Variants in PROM1 observed in about 807,000 individuals in gnomAD.
PROM1 encodes the protein prominin 1, also known as prominin-1.
Under a neutral mutation model 116.9 loss-of-function variants are expected in PROM1, and 105 were observed. The observed-to-expected ratio is 0.90, with a 90% CI of 0.77 to 1.06. The LOEUF is 1.06. PROM1 is among the 50% of genes least tolerant of loss of function. PROM1 has a pLI of 0.00. For synonymous variants in PROM1, 393 were observed against 387.0 expected, an observed-to-expected ratio of 1.02 and a Z score of -0.18; for missense variants, 1,122 against 1,045.2, an observed-to-expected ratio of 1.07 and a Z score of -1.01.
chr4:16,050,265 A>T (rs1457463852), intron 2 of PROM1, among the ~76,000 whole-genome samples: 1 of 151,840 alleles, frequency 6.6e-6, no homozygotes, highest in Admixed American at 6.6e-5. Context: ...TCTCAAAAAA[A>T]AAAAAACCAC....
In PROM1 at chr4:15,985,662, A is replaced by G. The variant is rs887229406; in HGVS notation, c.2280+98T>C. 1.3e-5 allele frequency: 12 copies of G among 945,868 alleles called. No individual in the cohort carries two copies. In the Admixed American group the frequency reaches 1.8e-4, roughly 14 times the overall value. The allele number at this position is 945,868 out of a possible 1,614,324, so 58.6% of individuals were successfully genotyped here. Reference sequence around the variant, plus strand: ...CCTTTCACTTACTTCCTACCAAATTATGGGAAATTTAATTTTATTTCTTCC... The same window carrying G: ...CCTTTCACTTACTTCCTACCAAATTGTGGGAAATTTAATTTTATTTCTTCC... On this transcript the variant is annotated intron_variant, in intron 22 of 27. Transcript: ENST00000447510.
chr4:16,083,846 G>C (rs1578368242), intron 1 of PROM1, 132 bp downstream of exon 1: 1 of 152,220 alleles, frequency 6.6e-6, no homozygotes, highest in Admixed American at 6.5e-5. Context: ...GCTGCGGCCG[G>C]ACCCTCGGAC....
At chr4:15,985,207 T>C (rs1210422751) in intron 22 of PROM1, among the ~76,000 whole-genome samples, 1 of 152,194 alleles carries the variant, frequency 6.6e-6, no homozygotes, top group Non-Finnish European at 1.5e-5. Flanking sequence ...TCTAGAGAGA[T>C]TTAAAGCACA....
chr4:16,000,545 T>C lies in PROM1; in HGVS notation c.1529A>G (p.Asn510Ser), dbSNP rs1287475358. 6.3e-7 allele frequency: 1 copy of C among 1,594,702 alleles called. No homozygotes were observed. The highest frequency in any genetic ancestry group is 1.3e-5 in the African/African-American group (1 of 74,580). The change falls in exon 14 of 28, where the codon AAT (asparagine) becomes AGT (serine). Residue 510 changes from asparagine (N) to serine (S), a missense_variant. Coordinates refer to ENST00000447510, the MANE Select transcript of PROM1 (RefSeq NM_006017.3). ...IVVLTFVFGANVEKLICEPYT... is the reference protein window; with the variant it reads ...IVVLTFVFGASVEKLICEPYT... ...AGGTTCACAGATCAGTTTTTCCACA[T>C]TTGCACCAAAGACAAAGGTAAGAAC...
At chr4:16,010,172 G>A (rs1320387123) in intron 11 of PROM1, among the ~76,000 whole-genome samples, 2 of 152,138 alleles carry the variant, frequency 1.3e-5, no homozygotes, top group African/African-American at 4.8e-5. Flanking sequence ...TCTCAGACAG[G>A]AGTTAAGTTC....
chr4:15,985,892 A>AAC, intron 21 of PROM1, 64 bp from the exon 22 acceptor site: 1 of 134,756 alleles, frequency 7.4e-6, no homozygotes, highest in Non-Finnish European at 1.2e-5. Context: ...AACATTATAA[A>AAC]TATTTAATCT....
chr4:16,003,554 C>T (rs917612666), intron 13 of PROM1, among the ~76,000 whole-genome samples: 1 of 152,180 alleles, frequency 6.6e-6, no homozygotes, highest in Non-Finnish European at 1.5e-5. Flanking sequence ...CTTCAAATCA[C>T]GAGATGCTTG....
intron 27 of PROM1, among the ~76,000 whole-genome samples, chr4:15,969,845 G>A (rs1255239890): frequency 6.6e-6 from 1 of 152,086 alleles, no homozygotes. Flanking sequence ...CCAAAGTGCT[G>A]GGATTACAGG....
chr4:16,008,318 C>T (rs1437137359), intron 12 of PROM1, among the ~76,000 whole-genome samples: 1 of 152,180 alleles, frequency 6.6e-6, no homozygotes, highest in African/African-American at 2.4e-5. Flanking sequence ...ATGTCCACCA[C>T]CCTCACCCCG....
chr4:15,997,190 T>G (rs1044129572), intron 15 of PROM1, among the ~76,000 whole-genome samples: 5 of 149,440 alleles, frequency 3.3e-5, no homozygotes, highest in African/African-American at 1.2e-4. Context: ...CACTACACAG[T>G]GAGCTAAAAG....
In PROM1 at chr4:15,986,001, C is replaced by G. The variant is rs755083222; in HGVS notation, c.2167G>C (p.Ala723Pro). Reference protein sequence around the residue: ...VTRILASLDFAQNFITNNTSS... With the variant: ...VTRILASLDFPQNFITNNTSS... ...GTATTGTTTGTGATGAAGTTCTGAG[C>G]AAAATCCAGAGAAGCTAGAATCCTA... The change falls in exon 21 of 28, where the codon GCT (alanine) becomes CCT (proline). Residue 723 changes from alanine to proline, a missense_variant. Ala to Pro is a conservative substitution (Grantham distance 27). Coordinates refer to ENST00000447510, the MANE Select transcript of PROM1 (RefSeq NM_006017.3). 1 of 1,583,944 alleles carries G rather than the reference C, an allele frequency of 6.3e-7. No individual in the cohort carries two copies. The highest frequency in any genetic ancestry group is 2.3e-5 in the East Asian group (1 of 44,264).
rs1169673117 is a variant in PROM1, at chr4:16,023,351, A to G, written c.759T>C (p.Leu253=). ...CTGTTGCCATGGACTTAATCTCATC[A>G]AGAACAGGGATGATGTTGGGTCTCA... The part of the protein sequence containing the change: ...DRLRPNIIPV[L]DEIKSMATAI... The change falls in exon 8 of 28, where the codon CTT becomes CTC. Residue 253 remains leucine (L), a synonymous_variant. Transcript: ENST00000447510. 6.2e-7 allele frequency: 1 copy of G among 1,606,718 alleles called. No homozygotes were observed. Among genetic ancestry groups the G allele is most frequent in the South Asian group, 1.1e-5 (1 of 89,418 alleles).
At chr4:16,027,615 A>G (rs1286714395) in intron 5 of PROM1, among the ~76,000 whole-genome samples, 1 of 152,204 alleles carries the variant, frequency 6.6e-6, no homozygotes, top group Non-Finnish European at 1.5e-5. Flanking sequence ...TTGAACTCCC[A>G]GAGGCTCCCT....
chr4:16,068,178 G>T (rs1391726001), intron 2 of PROM1, among the ~76,000 whole-genome samples: 1 of 152,174 alleles, frequency 6.6e-6, no homozygotes, highest in African/African-American at 2.4e-5. Context: ...CCGGAGTCCT[G>T]ATGAGAAACT....
intron 2 of PROM1, among the ~76,000 whole-genome samples, chr4:16,068,373 A>G (rs1177018814): frequency 6.6e-6 from 1 of 152,190 alleles, no homozygotes; most frequent in Non-Finnish European, 1.5e-5. Context: ...ATCAGGAGAG[A>G]CAGATAGCAG....
At chr4:15,973,036 CT>C in intron 26 of PROM1, among the ~76,000 whole-genome samples, 1 of 152,290 alleles carries the variant, frequency 6.6e-6, no homozygotes, top group East Asian at 1.9e-4. Flanking sequence ...TCCAAGCACC[CT>C]CTACAAGACC....
intron 2 of PROM1, among the ~76,000 whole-genome samples, chr4:16,069,256 CCAAAA>C (rs1372251680): frequency 1.3e-5 from 2 of 152,008 alleles, no homozygotes; most frequent in Non-Finnish European, 2.9e-5. Context: ...AAAACAAAAA[CCAAAA>C]CAAAACAGGG....
chr4:16,059,956 T>A (rs954781212), intron 2 of PROM1, among the ~76,000 whole-genome samples: 2 of 152,132 alleles, frequency 1.3e-5, no homozygotes, highest in Non-Finnish European at 2.9e-5. Context: ...AATCAAGCTG[T>A]ATGTTTAAAA....
intron 22 of PROM1, 121 bp from the exon 23 acceptor site, chr4:15,984,476 G>A (rs1560402450): frequency 1.5e-5 from 10 of 677,472 alleles, no homozygotes; most frequent in Non-Finnish European, 1.7e-5. Flanking sequence ...TCTAAGACAG[G>A]GGTCCCCAAC....
Sources: allele counts gnomAD v4.1 joint callset (sites outside exome capture counted in the v4.1 genomes callset), GRCh38; gene constraint gnomAD v4.1.1; transcripts MANE v1.5; gene names NCBI Gene and HGNC (gene_info 2026-07-23, HGNC 2026-07-21).